The following RELN variants were observed in gnomAD, a reference collection of about 807,000 sequenced individuals.
RELN encodes the protein reelin.
Under a neutral mutation model 427.6 loss-of-function variants are expected in RELN, and 108 were observed. The observed-to-expected ratio is 0.25, with a 90% CI of 0.22 to 0.30. RELN has a LOEUF of 0.30. Among genes scored for constraint, RELN ranks in the 10% least tolerant of loss-of-function variants. The pLI is 1.00. For missense variants in RELN, 3,715 were observed against 4,302.8 expected (o/e 0.86, Z 3.82); for synonymous variants, 1,524 against 1,513.4 (o/e 1.01, Z -0.16).
At chr7:103,920,679 T>C (rs1417156274) in intron 1 of RELN, among the ~76,000 whole-genome samples, 2 of 150,682 alleles carry the variant, frequency 1.3e-5, no homozygotes, top group Non-Finnish European at 2.9e-5. Flanking sequence ...GTTCAAGTCA[T>C]TCTCGTGCCT....
At position 103,920,834 on chromosome 7, in the gene RELN, A is replaced by G. The variant is rs143407851; in HGVS notation, c.227-3649T>C. 2.3e-3 allele frequency among the ~76,000 whole-genome samples: 347 copies of G among 152,286 alleles called. 8 individuals carry two copies. In the East Asian group the frequency reaches 0.059, roughly 26 times the overall value. ...AGTGATCCACCTGCCTCAGCCTCCCAAAATGCTGGGATTACAGGCATGAGC... is the reference window on the plus strand; with the variant it reads ...AGTGATCCACCTGCCTCAGCCTCCCGAAATGCTGGGATTACAGGCATGAGC... On this transcript the variant is annotated intron_variant, in intron 1 of 64. Transcript: ENST00000428762.
At chr7:103,843,068 T>C (rs1793591954) in intron 2 of RELN, among the ~76,000 whole-genome samples, 1 of 152,186 alleles carries the variant, frequency 6.6e-6, no homozygotes, top group Non-Finnish European at 1.5e-5. Flanking sequence ...ATTCTATTCC[T>C]CAGTTTCCTT....
chr7:103,552,471 C>T (rs566583068), intron 40 of RELN, among the ~76,000 whole-genome samples: 11 of 149,086 alleles, frequency 7.4e-5, no homozygotes, highest in Non-Finnish European at 1.3e-4. Flanking sequence ...GATAAACTTT[C>T]GAATATAGGC....
intron 3 of RELN, among the ~76,000 whole-genome samples, chr7:103,812,802 T>C (rs368512715): frequency 6.6e-6 from 1 of 152,212 alleles, no homozygotes; most frequent in Non-Finnish European, 1.5e-5. Flanking sequence ...ATTTTAACTA[T>C]ATTCCATTTC....
chr7:103,849,193 T>A (rs528440252), intron 2 of RELN, among the ~76,000 whole-genome samples: 4 of 152,236 alleles, frequency 2.6e-5, no homozygotes, highest in Non-Finnish European at 5.9e-5. Flanking sequence ...AGCAATGCTA[T>A]CATGTCTGGG....
intron 8 of RELN, among the ~76,000 whole-genome samples, chr7:103,704,679 C>CT (rs1381610317): frequency 6.6e-6 from 1 of 150,588 alleles, no homozygotes; most frequent in Non-Finnish European, 1.5e-5. Flanking sequence ...CATCTCCTAT[C>CT]TAAAAAAAAA....
intron 6 of RELN, among the ~76,000 whole-genome samples, chr7:103,734,886 A>T (rs917318140): frequency 1.3e-5 from 2 of 152,128 alleles, no homozygotes; most frequent in African/African-American, 2.4e-5. Flanking sequence ...TTATAGGGTA[A>T]TTTTTTTGTT....
chr7:103,984,405 T>C (rs1797054960), intron 1 of RELN, among the ~76,000 whole-genome samples: 1 of 152,054 alleles, frequency 6.6e-6, no homozygotes, highest in African/African-American at 2.4e-5. Context: ...AAAACAAAGA[T>C]TCACACAAAT....
intron 1 of RELN, among the ~76,000 whole-genome samples, chr7:103,940,318 G>A (rs748817330): frequency 6.6e-6 from 1 of 152,090 alleles, no homozygotes; most frequent in African/African-American, 2.4e-5. Flanking sequence ...TAAATAAAAC[G>A]ATTTATATGA....
intron 17 of RELN, among the ~76,000 whole-genome samples, chr7:103,639,191 T>C (rs1382948448): frequency 1.3e-5 from 2 of 152,158 alleles, no homozygotes; most frequent in African/African-American, 4.8e-5. Flanking sequence ...GTAGTTTTAC[T>C]AGAAAACACA....
intron 51 of RELN, among the ~76,000 whole-genome samples, chr7:103,506,530 C>G (rs1007808932): frequency 1.3e-5 from 2 of 152,166 alleles, no homozygotes; most frequent in African/African-American, 4.8e-5. Context: ...TTGTCACCAC[C>G]AGGCCTGCCT....
chr7:103,906,291 C>A (rs143441771), intron 2 of RELN, among the ~76,000 whole-genome samples: 2 of 152,136 alleles, frequency 1.3e-5, no homozygotes, highest in South Asian at 2.1e-4. Flanking sequence ...GCAAGCATAA[C>A]CTCCCGCAAG....
chr7:103,884,416 G>A (rs1428183300), intron 2 of RELN, among the ~76,000 whole-genome samples: 2 of 152,156 alleles, frequency 1.3e-5, no homozygotes, highest in Non-Finnish European at 2.9e-5. Context: ...GGCAACAAAA[G>A]CCAAAACTAA....
intron 4 of RELN, among the ~76,000 whole-genome samples, chr7:103,755,763 T>C (rs1562993628): frequency 7.3e-6 from 1 of 136,424 alleles, no homozygotes; most frequent in Non-Finnish European, 1.5e-5. Context: ...TGCAGTGAGC[T>C]GATCGCACAA....
intron 46 of RELN, among the ~76,000 whole-genome samples, chr7:103,527,858 A>G (rs1259148836): frequency 1.3e-5 from 2 of 152,254 alleles, no homozygotes; most frequent in East Asian, 3.8e-4. Flanking sequence ...GGGAAATGTC[A>G]ATGAGAACCA....
intron 20 of RELN, among the ~76,000 whole-genome samples, chr7:103,628,863 C>G (rs1436534812): frequency 6.6e-6 from 1 of 152,136 alleles, no homozygotes; most frequent in East Asian, 1.9e-4. Flanking sequence ...TGGAATCATG[C>G]AGGACTGTGT....
In RELN at chr7:103,753,832, C is replaced by T. The variant is rs530067129; in HGVS notation, c.545-618G>A. 2.0e-5 allele frequency among the ~76,000 whole-genome samples: 3 copies of T among 152,262 alleles called. No homozygotes were observed. The East Asian group carries it at 5.8e-4, about 29-fold the overall frequency. On this transcript the variant is annotated intron_variant, in intron 4 of 64. Transcript: ENST00000428762. The stretch of plus-strand genomic sequence containing the variant: ...CTTGATGTTAATTATTTTAGACTTG[C>T]TTTTCAATGTATGCAATATTTCTGT...
chr7:103,791,355 A>G (rs1384010001), intron 3 of RELN, among the ~76,000 whole-genome samples: 1 of 152,202 alleles, frequency 6.6e-6, no homozygotes, highest in African/African-American at 2.4e-5. Flanking sequence ...ATTTACCACA[A>G]AGTTACCATA....
intron 42 of RELN, among the ~76,000 whole-genome samples, chr7:103,544,210 GA>G (rs1431281406): frequency 9.2e-6 from 1 of 108,372 alleles, no homozygotes; most frequent in East Asian, 3.4e-4. Context: ...TGAGCAAAAA[GA>G]AAGAAAATCT....
Sources: allele counts gnomAD v4.1 joint callset (sites outside exome capture counted in the v4.1 genomes callset), GRCh38; gene constraint gnomAD v4.1.1; transcripts MANE v1.5; gene names NCBI Gene and HGNC (gene_info 2026-07-23, HGNC 2026-07-21).